The following PLCB1 variants were observed in gnomAD, a reference collection of about 807,000 sequenced individuals.
PLCB1 encodes phospholipase C beta 1.
A neutral mutation model predicts 161.8 loss-of-function variants in PLCB1; 46 were observed. The ratio of observed to expected loss-of-function variants is 0.28; its 90% CI spans 0.22 to 0.36. The LOEUF is 0.36. Among genes scored for constraint, PLCB1 ranks in the 10% least tolerant of loss-of-function variants. PLCB1 has a pLI of 1.00. For missense variants in PLCB1, 1,016 were observed against 1,472.5 expected (o/e 0.69, Z 5.07); for synonymous variants, 517 against 503.7 (o/e 1.03, Z -0.35).
rs564478908 is a variant in PLCB1, at chr20:8,826,343, A to G, written c.3423+36082A>G. On this transcript the variant is annotated intron_variant, in intron 31 of 31. Transcript: ENST00000338037. ...ACCCCGTCTCTACTAAAAATATAAA[A>G]AATTAGGTGGGCGTGGTGGCAGGCG... Among the ~76,000 whole-genome samples the G allele has an allele frequency of 1.3e-5, 2 of 152,114 alleles. 1 individual carries two copies. The highest frequency in any genetic ancestry group is 4.2e-4 in the South Asian group (2 of 4,806).
At chr20:8,324,116 C>T (rs551378068) in intron 2 of PLCB1, among the ~76,000 whole-genome samples, 21 of 152,028 alleles carry the variant, frequency 1.4e-4, no homozygotes, top group African/African-American at 5.1e-4. Context: ...GGCTAGACTA[C>T]TGTGATTAAT....
intron 9 of PLCB1, among the ~76,000 whole-genome samples, chr20:8,663,334 T>C (rs1989733310): frequency 2.0e-5 from 3 of 152,046 alleles, no homozygotes; most frequent in Admixed American, 1.3e-4. Flanking sequence ...ACCTGACATA[T>C]GCTGTTTAGC....
intron 2 of PLCB1, among the ~76,000 whole-genome samples, chr20:8,298,899 A>G (rs1341919784): frequency 6.6e-6 from 1 of 152,188 alleles, no homozygotes; most frequent in Non-Finnish European, 1.5e-5. Flanking sequence ...TATGCACAGC[A>G]TCACTTTAAC....
At chr20:8,382,557 T>G (rs1487899792) in intron 3 of PLCB1, among the ~76,000 whole-genome samples, 1 of 149,412 alleles carries the variant, frequency 6.7e-6, no homozygotes, top group Non-Finnish European at 1.5e-5. Context: ...TGTCTTTTTT[T>G]TTTTTTGAGA....
intron 31 of PLCB1, among the ~76,000 whole-genome samples, chr20:8,815,590 G>A (rs190895071): frequency 0.026 from 3,978 of 152,234 alleles, 162 homozygotes; most frequent in African/African-American, 0.091. Context: ...GGCCCAAGAG[G>A]TCCACTTACA....
At chr20:8,859,719 A>G (rs1987190949) in intron 31 of PLCB1, among the ~76,000 whole-genome samples, 1 of 152,064 alleles carries the variant, frequency 6.6e-6, no homozygotes, top group Non-Finnish European at 1.5e-5. Context: ...GGTAGACTCT[A>G]GCTTGGGGTC....
At chr20:8,697,828 G>T in intron 11 of PLCB1, 45 bp downstream of exon 11, 7 of 1,581,738 alleles carry the variant, frequency 4.4e-6, no homozygotes, top group Non-Finnish European at 5.2e-6. Flanking sequence ...GGAGACACCT[G>T]ATTCCTTTTG....
chr20:8,454,296 T>A (rs1197263133), intron 3 of PLCB1, among the ~76,000 whole-genome samples: 1 of 152,120 alleles, frequency 6.6e-6, no homozygotes, highest in Non-Finnish European at 1.5e-5. Flanking sequence ...GTAGCCAGGA[T>A]CCAGGACACC....
chr20:8,779,407 A>G (rs1434769699), intron 27 of PLCB1, among the ~76,000 whole-genome samples: 1 of 151,390 alleles, frequency 6.6e-6, no homozygotes, highest in Non-Finnish European at 1.5e-5. Context: ...GCCTAACTCT[A>G]TCAATCGATA....
At chr20:8,743,833 A>C (rs1301662558) in intron 23 of PLCB1, among the ~76,000 whole-genome samples, 1 of 152,122 alleles carries the variant, frequency 6.6e-6, no homozygotes, top group Non-Finnish European at 1.5e-5. Context: ...TGGCCTTTAA[A>C]AGATTAAGAA....
In PLCB1 at chr20:8,420,373, T is replaced by C. The variant is rs190996757; in HGVS notation, c.246+48923T>C. 5.8e-3 allele frequency among the ~76,000 whole-genome samples: 887 copies of C among 152,334 alleles called. 4 individuals carry two copies. Among genetic ancestry groups the C allele is most frequent in the South Asian group, 0.021 (100 of 4,828 alleles). On this transcript the variant is annotated intron_variant, in intron 3 of 31. Transcript: ENST00000338037. ...GCTTATTCAGGATTATTTGAAACTA[T>C]AAATACATATATTTTTTAAAATTCT...
intron 10 of PLCB1, among the ~76,000 whole-genome samples, chr20:8,690,846 T>C (rs1990460974): frequency 6.6e-6 from 1 of 152,210 alleles, no homozygotes; most frequent in African/African-American, 2.4e-5. Flanking sequence ...TACTCAGGAA[T>C]GAGCAAGGAC....
intron 3 of PLCB1, among the ~76,000 whole-genome samples, chr20:8,437,264 G>A (rs990313840): frequency 6.6e-6 from 1 of 152,092 alleles, no homozygotes; most frequent in Non-Finnish European, 1.5e-5. Context: ...TCCTCAGAGT[G>A]GAAATCAGGA....
At chr20:8,386,919 A>G (rs933763668) in intron 3 of PLCB1, among the ~76,000 whole-genome samples, 1 of 152,226 alleles carries the variant, frequency 6.6e-6, no homozygotes, top group Non-Finnish European at 1.5e-5. Context: ...TGCTAGCTTC[A>G]TACTTTTCTT....
At chr20:8,795,826 G>A (rs1192656535) in intron 31 of PLCB1, among the ~76,000 whole-genome samples, 2 of 149,594 alleles carry the variant, frequency 1.3e-5, no homozygotes, top group African/African-American at 4.9e-5. Flanking sequence ...AGTGAGCCGA[G>A]ATCGCGCCAC....
At chr20:8,826,098 A>G (rs2146270703) in intron 31 of PLCB1, among the ~76,000 whole-genome samples, 1 of 152,314 alleles carries the variant, frequency 6.6e-6, no homozygotes, top group South Asian at 2.1e-4. Flanking sequence ...GGATGGTGAA[A>G]TGTACCACTT....
chr20:8,723,979 A>C (rs1568573892), intron 15 of PLCB1, among the ~76,000 whole-genome samples: 1 of 151,752 alleles, frequency 6.6e-6, no homozygotes, highest in East Asian at 1.9e-4. Flanking sequence ...CTACCTAACA[A>C]TTTTCTTATT....
chr20:8,773,079 GA>G (rs201228860), intron 26 of PLCB1, among the ~76,000 whole-genome samples: 1,838 of 152,306 alleles, frequency 0.012, 40 homozygotes, highest in African/African-American at 0.041. Flanking sequence ...AAAGAAACTT[GA>G]GAAAATTCCG....
intron 3 of PLCB1, among the ~76,000 whole-genome samples, chr20:8,509,100 C>T (rs1472418860): frequency 6.6e-6 from 1 of 152,150 alleles, no homozygotes; most frequent in African/African-American, 2.4e-5. Flanking sequence ...TATTTTTTCC[C>T]TTAATTTCAA....
Sources: gnomAD v4.1 joint callset for allele counts (sites outside exome capture counted in the v4.1 genomes callset) on GRCh38, gnomAD v4.1.1 for gene constraint, MANE v1.5 for transcripts, NCBI Gene and HGNC (gene_info 2026-07-23, HGNC 2026-07-21) for gene names.